ROBO2: variants seen among roughly 807,000 people sequenced by gnomAD.
ROBO2 encodes roundabout guidance receptor 2.
A neutral mutation model predicts 160.8 loss-of-function variants in ROBO2; 53 were observed. The ratio of observed to expected loss-of-function variants is 0.33; its 90% confidence interval spans 0.26 to 0.41. The LOEUF (loss-of-function observed/expected upper bound fraction) is 0.41. Among genes scored for constraint, ROBO2 ranks in the 10% least tolerant of loss-of-function variants. ROBO2 has a pLI of 1.00. For missense variants in ROBO2, 1,577 were observed against 1,722.4 expected (o/e 0.92, Z 1.49); for synonymous variants, 664 against 611.7 (o/e 1.09, Z -1.26).
chr3:77,504,571 G>A (rs1300014285), intron 5 of ROBO2, among the ~76,000 whole-genome samples: 1 of 152,100 alleles, frequency 6.6e-6, no homozygotes, highest in African/African-American at 2.4e-5. Context: ...TTAAAAGTGA[G>A]AAAGAAAATG....
At position 77,458,015 on chromosome 3, in the gene ROBO2, C is replaced by A. The variant is rs13095075; in HGVS notation, c.389-19399C>A. Among the ~76,000 whole-genome samples, 172 of 152,142 alleles carry A rather than the reference C, an allele frequency of 1.1e-3. 1 individual carries two copies. The highest frequency in any genetic ancestry group is 2.7e-3 in the South Asian group (13 of 4,826). On this transcript the variant is annotated intron_variant, in intron 2 of 25. Coordinates refer to ENST00000461745, the Ensembl canonical transcript of ROBO2. ...ATGCAAAACCATGATAATGAATGAA[C>A]CTTGCTCTTTGCCAGGTATGTGCTA...
chr3:77,608,058 C>A, intron 21 of ROBO2, 104 bp downstream of exon 22: 1 of 1,063,752 alleles, frequency 9.4e-7, no homozygotes, highest in Non-Finnish European at 1.4e-6. Context: ...CCTTTGCCCC[C>A]CACCACCATG....
At chr3:75,924,500 C>T (rs1947199710) in intron 1 of ROBO2, among the ~76,000 whole-genome samples, 1 of 151,878 alleles carries the variant, frequency 6.6e-6, no homozygotes, top group Admixed American at 6.6e-5. Flanking sequence ...CACTAAGACC[C>T]ATTTTGGACT....
chr3:76,040,933 G>A (rs1322506051), intron 2 of ROBO2, among the ~76,000 whole-genome samples: 1 of 152,010 alleles, frequency 6.6e-6, no homozygotes, highest in Non-Finnish European at 1.5e-5. Context: ...AGGTTGCAGT[G>A]AGCTGAGATC....
intron 2 of ROBO2, among the ~76,000 whole-genome samples, chr3:77,372,102 T>A (rs149046093): frequency 2.6e-5 from 4 of 151,652 alleles, no homozygotes; most frequent in African/African-American, 9.7e-5. Context: ...TTAGAGACTG[T>A]AAACTACATT....
chr3:76,380,105 G>A (rs1247090143), intron 2 of ROBO2, among the ~76,000 whole-genome samples: 3 of 151,654 alleles, frequency 2.0e-5, no homozygotes, highest in African/African-American at 7.3e-5. Context: ...TTTTTGGTGG[G>A]TTTTTGGAAT....
At chr3:75,924,681 C>CTTTTTTTTTTTTTTTTTTTT (rs60599175) in intron 1 of ROBO2, among the ~76,000 whole-genome samples, 2 of 66,014 alleles carry the variant, frequency 3.0e-5, no homozygotes, top group African/African-American at 6.8e-5. Context: ...ATTTTCTTTT[C>CTTTTTTTTTTTTTTTTTTTT]TTTTTTTTTT....
intron 2 of ROBO2, among the ~76,000 whole-genome samples, chr3:76,771,214 CA>C (rs2061884582): frequency 6.6e-6 from 1 of 150,858 alleles, no homozygotes; most frequent in Non-Finnish European, 1.5e-5. Flanking sequence ...ACTGAGGACA[CA>C]AAAAAAGAGT....
chr3:76,351,582 C>T (rs1203562844), intron 2 of ROBO2, among the ~76,000 whole-genome samples: 2 of 152,054 alleles, frequency 1.3e-5, no homozygotes, highest in East Asian at 3.9e-4. Context: ...CCTGCCTCTA[C>T]AGTATAATAT....
At chr3:77,457,242 T>C (rs1361682087) in intron 2 of ROBO2, among the ~76,000 whole-genome samples, 2 of 152,118 alleles carry the variant, frequency 1.3e-5, no homozygotes, top group Non-Finnish European at 2.9e-5. Flanking sequence ...AACAGGTGAT[T>C]TTGGGTTGTC....
At chr3:77,143,895 T>G (rs2076922877) in intron 2 of ROBO2, among the ~76,000 whole-genome samples, 1 of 152,184 alleles carries the variant, frequency 6.6e-6, no homozygotes. Flanking sequence ...TAGAAGTTGT[T>G]TTGCTACTCT....
At chr3:76,854,024 CTCTCTCTCTCT>C (rs1559605173) in intron 2 of ROBO2, among the ~76,000 whole-genome samples, 170 of 15,064 alleles carry the variant, frequency 0.011, 2 homozygotes, top group Non-Finnish European at 0.01. Context: ...GACTTTCTCT[CTCTCTCTCTCT>C]CTCTCTCTCT....
At chr3:76,923,733 T>C (rs2076812456) in intron 2 of ROBO2, among the ~76,000 whole-genome samples, 1 of 152,234 alleles carries the variant, frequency 6.6e-6, no homozygotes, top group South Asian at 2.1e-4. Context: ...TGTCTACAAC[T>C]GTGCTGACAG....
intron 2 of ROBO2, among the ~76,000 whole-genome samples, chr3:76,023,422 A>G (rs1393502426): frequency 2.0e-5 from 3 of 151,566 alleles, no homozygotes; most frequent in Non-Finnish European, 4.4e-5. Context: ...TTTTCACGTG[A>G]ACACTTACAG....
intron 2 of ROBO2, among the ~76,000 whole-genome samples, chr3:76,171,043 C>A (rs1418853969): frequency 1.3e-5 from 2 of 152,108 alleles, no homozygotes; most frequent in Non-Finnish European, 2.9e-5. Flanking sequence ...GAGATGACTG[C>A]CTTCAGAGAT....
chr3:76,881,575 AACATAAGG>A (rs1449480791), intron 2 of ROBO2, among the ~76,000 whole-genome samples: 2 of 152,356 alleles, frequency 1.3e-5, no homozygotes, highest in African/African-American at 4.8e-5. Context: ...GAATAATATC[AACATAAGG>A]ACATATATCT....
intron 2 of ROBO2, among the ~76,000 whole-genome samples, chr3:77,271,753 G>T (rs751832202): frequency 5.9e-5 from 9 of 152,322 alleles, no homozygotes; most frequent in Admixed American, 3.9e-4. Flanking sequence ...TATTAACAGA[G>T]AACTGCCTTG....
At chr3:76,721,542 T>A (rs2093467252) in intron 2 of ROBO2, among the ~76,000 whole-genome samples, 1 of 152,230 alleles carries the variant, frequency 6.6e-6, no homozygotes, top group Admixed American at 6.5e-5. Flanking sequence ...ATTTATTTCA[T>A]CTTCTTTTGA....
At chr3:76,818,049 A>G (rs765782794) in intron 2 of ROBO2, among the ~76,000 whole-genome samples, 65 of 151,902 alleles carry the variant, frequency 4.3e-4, no homozygotes, top group Non-Finnish European at 8.7e-4. Flanking sequence ...TGGTAGTTCT[A>G]TTTTTAGTTC....
Sources: gnomAD v4.1 joint callset for allele counts (sites outside exome capture counted in the v4.1 genomes callset) on GRCh38, gnomAD v4.1.1 for gene constraint, MANE v1.5 for transcripts, NCBI Gene and HGNC (gene_info 2026-07-23, HGNC 2026-07-21) for gene names.